Variants in SDAD1 observed in about 807,000 individuals in gnomAD.
SDAD1 encodes protein SDA1 homolog.
A neutral mutation model predicts 100.3 loss-of-function variants in SDAD1; 79 were observed. That is an observed-to-expected ratio of 0.79 (90% CI 0.66 to 0.95). The LOEUF is 0.95. Among genes scored for constraint, SDAD1 ranks in the 40% least tolerant of loss-of-function variants. The pLI is 0.00. For missense variants in SDAD1, 790 were observed against 810.9 expected (o/e 0.97, Z 0.31); for synonymous variants, 267 against 271.4 (o/e 0.98, Z 0.16).
intron 1 of SDAD1, among the ~76,000 whole-genome samples, chr4:75,988,049 T>C (rs938442060): frequency 6.6e-6 from 1 of 152,174 alleles, no homozygotes; most frequent in African/African-American, 2.4e-5. Flanking sequence ...ATCCAGGATC[T>C]AATCACCCTT....
chr4:75,988,705 G>C (rs927270888), intron 1 of SDAD1, among the ~76,000 whole-genome samples: 1 of 152,082 alleles, frequency 6.6e-6, no homozygotes, highest in Non-Finnish European at 1.5e-5. Context: ...ACATATAGCA[G>C]GTAATCAACA....
At chr4:75,983,368 ACT>A (rs1288424468) in intron 1 of SDAD1, among the ~76,000 whole-genome samples, 1 of 152,210 alleles carries the variant, frequency 6.6e-6, no homozygotes, top group African/African-American at 2.4e-5. Context: ...GAATTGCCAC[ACT>A]GTCTTCCACA....
intron 1 of SDAD1, among the ~76,000 whole-genome samples, chr4:75,990,479 G>A (rs77906216): frequency 0.011 from 1,606 of 152,296 alleles, 30 homozygotes; most frequent in African/African-American, 0.037. Context: ...TGCGGACGAA[G>A]AAAAATATCT....
chr4:75,972,869 A>T (rs1305764458), intron 8 of SDAD1, among the ~76,000 whole-genome samples: 1 of 151,992 alleles, frequency 6.6e-6, no homozygotes, highest in Admixed American at 6.6e-5. Context: ...AAAATACAAA[A>T]AATTAGCCAG....
chr4:75,990,870 C>A lies in SDAD1; in HGVS notation c.-29G>T. The A allele has an allele frequency of 1.2e-6, 2 of 1,613,910 alleles. No homozygotes were observed. Among genetic ancestry groups the A allele is most frequent in the Admixed American group, 1.7e-5 (1 of 60,026 alleles). ...GGCTGCAGACAGACTTCGCGGCGAG[C>A]AGTTTTAAAAAAACTCAGACGGCCG... On this transcript the variant is annotated 5_prime_UTR_variant, in exon 1 of 22. Coordinates refer to ENST00000356260, the MANE Select transcript of SDAD1 (RefSeq NM_018115.4).
intron 1 of SDAD1, among the ~76,000 whole-genome samples, chr4:75,984,778 A>AACACAAACACACACACAC (rs572610212): frequency 2.2e-5 from 3 of 136,928 alleles, no homozygotes; most frequent in African/African-American, 8.1e-5. Context: ...CACACACACA[A>AACACAAACACACACACAC]ACACACACAC....
intron 1 of SDAD1, among the ~76,000 whole-genome samples, chr4:75,983,493 C>T (rs1198947498): frequency 1.3e-5 from 2 of 152,166 alleles, no homozygotes; most frequent in Non-Finnish European, 2.9e-5. Flanking sequence ...TTCTAACTGG[C>T]GTGAGATGGT....
At chr4:75,981,795 ATTTGC>A in intron 2 of SDAD1, 133 bp downstream of exon 2, 1 of 757,784 alleles carries the variant, frequency 1.3e-6, no homozygotes, top group Non-Finnish European at 2.1e-6. Flanking sequence ...AGAAAATAAA[ATTTGC>A]AAAAAGGGAA....
intron 6 of SDAD1, among the ~76,000 whole-genome samples, chr4:75,974,366 A>G (rs1372489643): frequency 6.6e-6 from 1 of 151,074 alleles, no homozygotes; most frequent in African/African-American, 2.4e-5. Context: ...CAGACTATTT[A>G]AAGAATTTTT....
Position 75,961,947 on chromosome 4 carries a change from G to A in SDAD1, c.1182-639C>T, listed in dbSNP as rs901330436. Among the ~76,000 whole-genome samples the A allele has an allele frequency of 2.6e-5, 4 of 152,114 alleles. No homozygotes were observed. The South Asian group carries it at 6.2e-4, about 24-fold the overall frequency. ...AAGTTATAGGGTACATGTGCACAAC[G>A]TGCAGGTTTGTTACATATGTATACA... On this transcript the variant is annotated intron_variant, in intron 14 of 21. Transcript: ENST00000356260.
intron 21 of SDAD1, among the ~76,000 whole-genome samples, chr4:75,955,506 G>A (rs1344758817): frequency 5.9e-5 from 9 of 152,212 alleles, no homozygotes; most frequent in Non-Finnish European, 1.3e-4. Flanking sequence ...TGAGCCATGA[G>A]GCTGCAGTGA....
intron 17 of SDAD1, among the ~76,000 whole-genome samples, chr4:75,958,828 T>A (rs1729053679): frequency 6.7e-6 from 1 of 148,700 alleles, no homozygotes; most frequent in African/African-American, 2.5e-5. Context: ...CCGGGTGCAG[T>A]GGCTCACGCC....
intron 17 of SDAD1, among the ~76,000 whole-genome samples, chr4:75,958,253 C>T (rs1158865547): frequency 6.6e-6 from 1 of 152,162 alleles, no homozygotes; most frequent in Admixed American, 6.5e-5. Flanking sequence ...AAAAAGGCAT[C>T]CTACACTGAA....
At position 75,975,707 on chromosome 4, in the gene SDAD1, G is replaced by A. The variant is rs199901061; in HGVS notation, c.578+37C>T. The A allele has an allele frequency of 8.4e-5, 116 of 1,379,382 alleles. No individual in the cohort carries two copies. In the African/African-American group the frequency reaches 1.5e-3, roughly 18 times the overall value. The allele number at this position is 1,379,382 out of a possible 1,614,324, so 85.4% of individuals were successfully genotyped here. ...TCTGTATTAATTACAAATGAAAAAA[G>A]AGTCTACTTCTCAAGAGACAAATAT... On this transcript the variant is annotated intron_variant, in intron 6 of 21. Transcript: ENST00000356260.
rs567174662 is a variant in SDAD1, at chr4:75,950,704, G to A, written c.*46C>T. 6.5e-6 allele frequency: 9 copies of A among 1,378,660 alleles called. No individual in the cohort carries two copies. The highest frequency in any genetic ancestry group is 9.2e-6 in the Non-Finnish European group (9 of 977,336). 85.4% of individuals were successfully genotyped at this position (1,378,660 alleles called of 1,614,324 possible). A position where few individuals can be genotyped will look rare whatever the true frequency, so the allele number is the denominator to read the frequency against. ...TTGATTTACCAATTTTCAGAGCAAG[G>A]ACACAAACTTAGCATTCTTCTAGGA... On this transcript the variant is annotated 3_prime_UTR_variant, in exon 22 of 22. Transcript: ENST00000356260.
In SDAD1 at chr4:75,990,921, A is replaced by G; in HGVS notation, c.-80T>C. 2 of 1,554,196 alleles carry G rather than the reference A, an allele frequency of 1.3e-6. No individual in the cohort carries two copies. Among genetic ancestry groups the G allele is most frequent in the East Asian group, 2.2e-5 (1 of 44,468 alleles). ...GCACCCCGCAATCCCTGCCAGCTGC[A>G]GCTTGGACTCGTGTTTCCGGGTATG... On this transcript the variant is annotated 5_prime_UTR_variant, in exon 1 of 22. Transcript: ENST00000356260.
intron 14 of SDAD1, 102 bp from the exon 15 acceptor site, chr4:75,961,410 G>A (rs971282749): frequency 3.8e-5 from 32 of 852,312 alleles, no homozygotes; most frequent in East Asian, 1.3e-4. Context: ...AGGAAAACAC[G>A]TTGAGTTTTA....
chr4:75,952,511 G>A (rs1479064070), intron 21 of SDAD1, among the ~76,000 whole-genome samples: 2 of 152,032 alleles, frequency 1.3e-5, no homozygotes, highest in Admixed American at 6.6e-5. Context: ...CCCTCTTCTA[G>A]TCTCATCCCA....
chr4:75,963,221 T>C (rs975420046), intron 14 of SDAD1, among the ~76,000 whole-genome samples: 3 of 152,024 alleles, frequency 2.0e-5, no homozygotes, highest in African/African-American at 7.3e-5. Flanking sequence ...GTATTATATC[T>C]GAGGGCTCTG....
Sources: gnomAD v4.1 joint callset for allele counts (sites outside exome capture counted in the v4.1 genomes callset) on GRCh38, gnomAD v4.1.1 for gene constraint, MANE v1.5 for transcripts, NCBI Gene and HGNC (gene_info 2026-07-23, HGNC 2026-07-21) for gene names.